Variants in FAM107B observed in about 807,000 individuals in gnomAD.
FAM107B encodes the protein family with sequence similarity 107 member B.
FAM107B carries 21 observed loss-of-function variants against 31.5 expected under a neutral mutation model. The observed-to-expected ratio is 0.67, with a 90% CI of 0.47 to 0.96. FAM107B has a LOEUF of 0.96. Among genes scored for constraint, FAM107B ranks in the 40% least tolerant of loss-of-function variants. The pLI, the probability that FAM107B is intolerant of heterozygous loss-of-function variation, is 0.00. For synonymous variants in FAM107B, 157 were observed against 141.5 expected (o/e 1.11, Z -0.78); for missense variants, 452 against 377.1 (o/e 1.20, Z -1.64).
intron 2 of FAM107B, among the ~76,000 whole-genome samples, chr10:14,568,254 G>C (rs1850845364): frequency 6.6e-6 from 1 of 151,468 alleles, no homozygotes; most frequent in Admixed American, 6.6e-5. Context: ...GTGGGAGAAG[G>C]TGCACTCCCA....
chr10:14,563,297 G>A (rs910026305), intron 2 of FAM107B, among the ~76,000 whole-genome samples: 4 of 152,006 alleles, frequency 2.6e-5, no homozygotes, highest in African/African-American at 4.8e-5. Context: ...ACAAAATTTG[G>A]AAAATACAGA....
chr10:14,750,440 T>C (rs1588753790), intron 1 of FAM107B, among the ~76,000 whole-genome samples: 1 of 152,112 alleles, frequency 6.6e-6, no homozygotes, highest in Non-Finnish European at 1.5e-5. Context: ...GGTGAAACCC[T>C]GTCTCTATTA....
chr10:14,649,947 T>C (rs1480948776), intron 2 of FAM107B, among the ~76,000 whole-genome samples: 1 of 152,238 alleles, frequency 6.6e-6, no homozygotes, highest in Non-Finnish European at 1.5e-5. Context: ...TCATCAGAGA[T>C]GCAGGCATGT....
chr10:14,702,481 A>G (rs1165477246), intron 1 of FAM107B, among the ~76,000 whole-genome samples: 2 of 152,088 alleles, frequency 1.3e-5, no homozygotes, highest in South Asian at 2.1e-4. Context: ...TGAGTAGCTG[A>G]GATTACAGGC....
At position 14,519,352 on chromosome 10, in the gene FAM107B, C is replaced by T. The variant is rs139727790; in HGVS notation, c.*1838G>A. The T allele has an allele frequency of 3.3e-5, 5 of 152,194 alleles. No homozygotes were observed. In the East Asian group the frequency reaches 9.7e-4, roughly 29 times the overall value. 9.4% of individuals were successfully genotyped at this position (152,194 alleles called of 1,614,324 possible). On this transcript the variant is annotated 3_prime_UTR_variant, in exon 5 of 5. Transcript: ENST00000181796. ...TCCCGAATCTTCATTTTACAAACAG[C>T]ATCGCTAGTCCACAGACACAAAGAA... is the stretch of plus-strand genomic sequence containing the variant.
At position 14,723,532 on chromosome 10, in the gene FAM107B, C is replaced by A. The variant is rs562735498; in HGVS notation, c.411+50721G>T. ...CAAAACTTCCCAGGCCAGCATACAC[C>A]ACATCAAACCCACTGTGTGAGCTCC... On this transcript the variant is annotated intron_variant, in intron 1 of 4. Coordinates refer to ENST00000181796, the MANE Select transcript of FAM107B (RefSeq NM_031453.4). 10 of 631,430 alleles carry A rather than the reference C, an allele frequency of 1.6e-5. No individual in the cohort carries two copies. The African/African-American group carries it at 1.8e-4, about 11-fold the overall frequency. The allele number at this position is 631,430 out of a possible 1,614,324, so 39.1% of individuals were successfully genotyped here.
At chr10:14,670,375 G>A (rs1032990812) in intron 1 of FAM107B, among the ~76,000 whole-genome samples, 1 of 152,214 alleles carries the variant, frequency 6.6e-6, no homozygotes, top group Non-Finnish European at 1.5e-5. Context: ...CATATTTGAA[G>A]TGGGTATGAA....
chr10:14,632,304 CAAAAAAAAAA>C (rs60289509), intron 2 of FAM107B, among the ~76,000 whole-genome samples: 1 of 56,586 alleles, frequency 1.8e-5, no homozygotes, highest in African/African-American at 7.6e-5. Context: ...GACTCTGTCT[CAAAAAAAAAA>C]AAAAAAAAAA....
At chr10:14,598,122 G>C (rs1852247255) in intron 2 of FAM107B, among the ~76,000 whole-genome samples, 1 of 152,126 alleles carries the variant, frequency 6.6e-6, no homozygotes. Flanking sequence ...CCATTCCACA[G>C]GTTGCCTTTT....
chr10:14,548,819 T>TGCACACGCAC (rs1848966825), intron 2 of FAM107B: 1 of 71,320 alleles, frequency 1.4e-5, no homozygotes, highest in Non-Finnish European at 2.8e-5. Flanking sequence ...CAAGTACACA[T>TGCACACGCAC]GCACACGCAC....
At chr10:14,635,722 C>G (rs1382866979) in intron 2 of FAM107B, among the ~76,000 whole-genome samples, 1 of 152,110 alleles carries the variant, frequency 6.6e-6, no homozygotes, top group Non-Finnish European at 1.5e-5. Context: ...ACCTCCACCT[C>G]CTGGGTTTAA....
chr10:14,557,440 C>T (rs542980672), intron 2 of FAM107B, among the ~76,000 whole-genome samples: 5 of 152,308 alleles, frequency 3.3e-5, no homozygotes, highest in African/African-American at 9.6e-5. Context: ...AACAGCTGTT[C>T]ACTGGTATTG....
chr10:14,533,551 C>A (rs1451933729), intron 2 of FAM107B, among the ~76,000 whole-genome samples: 1 of 152,214 alleles, frequency 6.6e-6, no homozygotes, highest in Admixed American at 6.5e-5. Context: ...CTCTCGTTTA[C>A]CTGACTGACT....
At chr10:14,751,107 T>C (rs938941151) in intron 1 of FAM107B, among the ~76,000 whole-genome samples, 3 of 152,194 alleles carry the variant, frequency 2.0e-5, no homozygotes, top group African/African-American at 4.8e-5. Context: ...AGGAAGCACA[T>C]GGGCCCCAGC....
At chr10:14,688,239 T>C (rs928910044) in intron 1 of FAM107B, among the ~76,000 whole-genome samples, 1 of 152,230 alleles carries the variant, frequency 6.6e-6, no homozygotes, top group Non-Finnish European at 1.5e-5. Flanking sequence ...CTCGGGCCTT[T>C]GGCCACAGAC....
chr10:14,750,292 T>C (rs1220366211), intron 1 of FAM107B, among the ~76,000 whole-genome samples: 2 of 152,112 alleles, frequency 1.3e-5, no homozygotes, highest in African/African-American at 2.4e-5. Context: ...GACATAAACA[T>C]AGAACTCCCT....
intron 1 of FAM107B, among the ~76,000 whole-genome samples, chr10:14,682,162 T>C (rs1854851269): frequency 1.3e-5 from 2 of 152,160 alleles, no homozygotes; most frequent in Admixed American, 1.3e-4. Flanking sequence ...TATTTGTATA[T>C]TAAAACAAAC....
At chr10:14,574,052 C>T (rs1301293546) in intron 2 of FAM107B, among the ~76,000 whole-genome samples, 5 of 152,178 alleles carry the variant, frequency 3.3e-5, no homozygotes, top group Non-Finnish European at 7.3e-5. Flanking sequence ...CTTAAGGGTT[C>T]AGCTTCCAAG....
intron 2 of FAM107B, among the ~76,000 whole-genome samples, chr10:14,628,415 G>GC (rs1457026861): frequency 2.0e-5 from 3 of 152,124 alleles, no homozygotes; most frequent in Non-Finnish European, 4.4e-5. Flanking sequence ...ACTGCACCCG[G>GC]CCCATAGCTC....
Sources: allele counts gnomAD v4.1 joint callset (sites outside exome capture counted in the v4.1 genomes callset), GRCh38; gene constraint gnomAD v4.1.1; transcripts MANE v1.5; gene names NCBI Gene and HGNC (gene_info 2026-07-23, HGNC 2026-07-21).